Variants in TRDN observed in about 807,000 individuals in gnomAD.
TRDN encodes the protein triadin in skeletal muscle.
In TRDN, 161 loss-of-function variants were observed where a neutral mutation model predicts 149.7. The observed-to-expected ratio is 1.08, with a 90% CI of 0.95 to 1.23. The LOEUF is 1.23. Ranked by LOEUF, TRDN falls within the 50% of genes most tolerant of loss-of-function variation. The probability of loss-of-function intolerance (pLI) is 0.00; values close to 1 mark genes in which losing one functional copy is unlikely to be tolerated. For synonymous variants in TRDN, 294 were observed against 250.5 expected (o/e 1.17, Z -1.64); for missense variants, 896 against 823.5 (o/e 1.09, Z -1.08).
chr6:123,523,963 A>G (rs1489569878), intron 5 of TRDN, among the ~76,000 whole-genome samples: 1 of 152,136 alleles, frequency 6.6e-6, no homozygotes, highest in Non-Finnish European at 1.5e-5. Context: ...ACTCTAAGCC[A>G]TGAGTTCAAC....
At position 123,259,807 on chromosome 6, in the gene TRDN, G is replaced by A. The variant is rs76364174; in HGVS notation, c.1832-145C>T. The stretch of plus-strand genomic sequence containing the variant: ...TCTCATTTCATTTTTGTTATGCTTG[G>A]TCATTCTGTTTATGTAGTCACCTAT... On this transcript the variant is annotated intron_variant, in intron 34 of 40. Coordinates refer to ENST00000334268, the MANE Select transcript of TRDN (RefSeq NM_006073.4). The A allele has an allele frequency of 4.7e-3, 2,840 of 601,352 alleles. 105 individuals are homozygous for A. In the East Asian group the frequency reaches 0.075, roughly 16 times the overall value. The allele number at this position is 601,352 out of a possible 1,614,324, so 37.3% of individuals were successfully genotyped here.
intron 40 of TRDN, among the ~76,000 whole-genome samples, chr6:123,221,235 T>C (rs924450461): frequency 1.3e-5 from 2 of 151,814 alleles, no homozygotes; most frequent in Admixed American, 1.3e-4. Flanking sequence ...ATCAGAAATA[T>C]GTAGAAGGAT....
At position 123,578,115 on chromosome 6, in the gene TRDN, G is replaced by A. The variant is rs145431670; in HGVS notation, c.23-6983C>T. Among the ~76,000 whole-genome samples, 238 of 152,192 alleles carry A rather than the reference G, an allele frequency of 1.6e-3. 4 individuals are homozygous for A. The highest frequency in any genetic ancestry group is 5.5e-3 in the African/African-American group (228 of 41,514). On this transcript the variant is annotated intron_variant, in intron 1 of 40. Coordinates refer to ENST00000334268, the MANE Select transcript of TRDN (RefSeq NM_006073.4). Reference sequence around the variant, plus strand: ...CATTCTGGTGATAGTTTCCTTTGCCGTGCAGAAGCTCTAAAGTTTAATTAG... The same window carrying A: ...CATTCTGGTGATAGTTTCCTTTGCCATGCAGAAGCTCTAAAGTTTAATTAG...
At chr6:123,346,633 C>A (rs1650390145) in intron 21 of TRDN, among the ~76,000 whole-genome samples, 1 of 151,848 alleles carries the variant, frequency 6.6e-6, no homozygotes, top group Non-Finnish European at 1.5e-5. Context: ...ATAAAGAAGT[C>A]CAGGACCCCT....
At chr6:123,444,798 C>T (rs1249579580) in intron 10 of TRDN, among the ~76,000 whole-genome samples, 1 of 152,084 alleles carries the variant, frequency 6.6e-6, no homozygotes, top group Non-Finnish European at 1.5e-5. Context: ...TTGTCTTTGG[C>T]TCTGTTTATA....
At chr6:123,601,318 G>T (rs1470090812) in intron 1 of TRDN, among the ~76,000 whole-genome samples, 3 of 152,094 alleles carry the variant, frequency 2.0e-5, no homozygotes, top group African/African-American at 7.2e-5. Flanking sequence ...ACAGCATAAT[G>T]CTTTACCTTA....
Position 123,382,241 on chromosome 6 carries a change from T to C in TRDN, c.1136-94A>G, listed in dbSNP as rs947486713. 2.1e-5 allele frequency: 17 copies of C among 809,506 alleles called. No homozygotes were observed. The African/African-American group carries it at 2.2e-4, about 10-fold the overall frequency. 50.1% of individuals were successfully genotyped at this position (809,506 alleles called of 1,614,324 possible). A position where few individuals can be genotyped will look rare whatever the true frequency, so the allele number is the denominator to read the frequency against. On this transcript the variant is annotated intron_variant, in intron 14 of 40. Coordinates refer to ENST00000334268, the MANE Select transcript of TRDN (RefSeq NM_006073.4). Reference sequence around the variant, plus strand: ...AATTTCTATAAACAATCAAATAAAATTGATTATTCAACAAATTGATCATTT... The same window carrying C: ...AATTTCTATAAACAATCAAATAAAACTGATTATTCAACAAATTGATCATTT...
At chr6:123,352,502 AAAG>A in intron 21 of TRDN, 34 bp downstream of exon 21, 1 of 1,606,416 alleles carries the variant, frequency 6.2e-7, no homozygotes, top group Non-Finnish European at 8.5e-7. Flanking sequence ...TTGTCTTTCT[AAAG>A]AAGATAATGT....
intron 10 of TRDN, among the ~76,000 whole-genome samples, chr6:123,458,784 T>C (rs888500139): frequency 4.6e-5 from 7 of 152,130 alleles, no homozygotes; most frequent in African/African-American, 1.7e-4. Context: ...AGCTAACCTT[T>C]GTATGACAGT....
chr6:123,438,098 C>T lies in TRDN; in HGVS notation c.1016G>A (p.Ser339Asn), dbSNP rs35766971. 3,270 of 1,591,380 alleles carry T rather than the reference C, an allele frequency of 2.1e-3. 72 individuals are homozygous for T. The African/African-American group carries it at 0.039, about 19-fold the overall frequency. Reference sequence around the variant, plus strand: ...CACATCAATGGCAGTTTCCTTCTCACTTTTCTTTTTGATATCTTCTTTTTC... The same window carrying T: ...CACATCAATGGCAGTTTCCTTCTCATTTTTCTTTTTGATATCTTCTTTTTC... ...KKEKEDIKKK[S>N]EKETAIDVEK... Residue 339 changes from serine to asparagine, a missense_variant, in exon 12 of 41, where the codon AGT (serine) becomes AAT (asparagine). Transcript: ENST00000334268.
chr6:123,289,016 GGTGTGTGTGTGT>G (rs1156862536), intron 24 of TRDN, among the ~76,000 whole-genome samples: 2 of 103,988 alleles, frequency 1.9e-5, no homozygotes, highest in Non-Finnish European at 4.3e-5. Flanking sequence ...AAATGTGGGG[GGTGTGTGTGTGT>G]GTGTGTGTGT....
intron 1 of TRDN, among the ~76,000 whole-genome samples, chr6:123,580,182 C>T (rs1476624717): frequency 1.3e-5 from 2 of 152,130 alleles, no homozygotes; most frequent in Non-Finnish European, 2.9e-5. Flanking sequence ...CTGACCATTT[C>T]AGTCCATTTC....
At chr6:123,343,276 G>A (rs1338903160) in intron 21 of TRDN, among the ~76,000 whole-genome samples, 1 of 151,438 alleles carries the variant, frequency 6.6e-6, no homozygotes, top group Admixed American at 6.6e-5. Context: ...AATAACTTCT[G>A]ATTATCCATT....
chr6:123,343,902 C>T (rs1311681464), intron 21 of TRDN, among the ~76,000 whole-genome samples: 3 of 151,942 alleles, frequency 2.0e-5, no homozygotes, highest in East Asian at 3.9e-4. Flanking sequence ...TATGGTATGG[C>T]ACCTCTGGCA....
At chr6:123,307,923 G>A (rs1283628626) in intron 24 of TRDN, among the ~76,000 whole-genome samples, 2 of 151,960 alleles carry the variant, frequency 1.3e-5, no homozygotes, top group South Asian at 2.1e-4. Context: ...TATATCGTGT[G>A]ATACTGTGGT....
At chr6:123,484,237 ATATT>A (rs1428750367) in intron 9 of TRDN, among the ~76,000 whole-genome samples, 4 of 152,292 alleles carry the variant, frequency 2.6e-5, no homozygotes, top group Middle Eastern at 3.4e-3. Context: ...AGGTATGGGC[ATATT>A]TATTATTTCC....
At chr6:123,428,407 G>A (rs1019669134) in intron 12 of TRDN, among the ~76,000 whole-genome samples, 1 of 152,108 alleles carries the variant, frequency 6.6e-6, no homozygotes, top group African/African-American at 2.4e-5. Flanking sequence ...AGCACCTATG[G>A]CCAATTTACA....
intron 30 of TRDN, 56 bp downstream of exon 30, chr6:123,271,083 G>A: frequency 9.1e-7 from 1 of 1,092,960 alleles, no homozygotes; most frequent in South Asian, 1.6e-5. Flanking sequence ...ACACATATGA[G>A]TGCACCACAT....
chr6:123,582,239 C>T lies in TRDN; in HGVS notation c.23-11107G>A, dbSNP rs1436951872. ...GCAGATTCAAAGATTTTCTGATTGA[C>T]GGCTGGTTGAAAAAGTTAAGTAAGA... is the stretch of plus-strand genomic sequence containing the variant. On this transcript the variant is annotated intron_variant, in intron 1 of 40. Transcript: ENST00000334268. Among the ~76,000 whole-genome samples, 7 of 152,080 alleles carry T rather than the reference C, an allele frequency of 4.6e-5. No individual in the cohort carries two copies. In the South Asian group the frequency reaches 1.2e-3, roughly 27 times the overall value.
Sources: allele counts gnomAD v4.1 joint callset (sites outside exome capture counted in the v4.1 genomes callset), GRCh38; gene constraint gnomAD v4.1.1; transcripts MANE v1.5; gene names NCBI Gene and HGNC (gene_info 2026-07-23, HGNC 2026-07-21).